Variants in TGFB1 observed in about 807,000 individuals in gnomAD.
TGFB1 encodes the protein transforming growth factor beta-1 proprotein.
A neutral mutation model predicts 43.8 loss-of-function variants in TGFB1; 19 were observed. The ratio of observed to expected loss-of-function variants is 0.43; its 90% CI spans 0.30 to 0.64. TGFB1 has a LOEUF of 0.64. Among genes scored for constraint, TGFB1 ranks in the 30% least tolerant of loss-of-function variants. The pLI is 0.11. For missense variants in TGFB1, 445 were observed against 529.8 expected (o/e 0.84, Z 1.57); for synonymous variants, 221 against 236.3 (o/e 0.94, Z 0.60).
chr19:41,335,571 G>A (rs890066106), intron 5 of TGFB1, among the ~76,000 whole-genome samples: 1 of 152,216 alleles, frequency 6.6e-6, no homozygotes, highest in African/African-American at 2.4e-5. Flanking sequence ...ACAACAGTCC[G>A]TGTTGAACAA....
intron 5 of TGFB1, among the ~76,000 whole-genome samples, chr19:41,341,365 G>T (rs1201807881): frequency 6.8e-6 from 1 of 147,962 alleles, no homozygotes; most frequent in East Asian, 2.0e-4. Context: ...TACTCGGGAG[G>T]CTGAGACAGG....
In TGFB1 at chr19:41,341,952, G is replaced by A. The variant is rs146182311; in HGVS notation, c.791C>T (p.Pro264Leu). The A allele has an allele frequency of 9.1e-5, 147 of 1,614,084 alleles. No individual in the cohort carries two copies. Among genetic ancestry groups the A allele is most frequent in the Non-Finnish European group, 1.2e-4 (140 of 1,180,036 alleles). ...NRPFLLLMAT[P>L]LERAQHLQSS... Reference sequence around the variant, plus strand: ...TTGCAGATGCTGGGCCCTCTCCAGCGGGGTGGCCATGAGAAGCAGGAAAGG... The same window carrying A: ...TTGCAGATGCTGGGCCCTCTCCAGCAGGGTGGCCATGAGAAGCAGGAAAGG... The change falls in exon 5 of 7, where the codon CCG becomes CTG. Residue 264 changes from proline to leucine, a missense_variant. Pro to Leu is a moderately conservative substitution (Grantham distance 98). Transcript: ENST00000221930.
chr19:41,330,997 G>A lies in TGFB1; in HGVS notation c.*55C>T. Reference sequence around the variant, plus strand: ...ACAGCCCCCATGGGCAAGGCAGCGGGGGCGGGGCGGGGTGGGGCCGGGCCT... The same window carrying A: ...ACAGCCCCCATGGGCAAGGCAGCGGAGGCGGGGCGGGGTGGGGCCGGGCCT... On this transcript the variant is annotated 3_prime_UTR_variant, in exon 7 of 7. Coordinates refer to ENST00000221930, the MANE Select transcript of TGFB1 (RefSeq NM_000660.7). 7.0e-7 allele frequency: 1 copy of A among 1,438,466 alleles called. No individual in the cohort carries two copies. The highest frequency in any genetic ancestry group is 1.4e-5 in the South Asian group (1 of 72,702). The allele number at this position is 1,438,466 out of a possible 1,614,324, so 89.1% of individuals were successfully genotyped here. A position where few individuals can be genotyped will look rare whatever the true frequency, so the allele number is the denominator to read the frequency against.
At chr19:41,348,229 C>A (rs377405783) in intron 2 of TGFB1, 66 bp downstream of exon 2, 2 of 1,595,346 alleles carry the variant, frequency 1.3e-6, no homozygotes, top group Non-Finnish European at 1.7e-6. Context: ...CCCACAGCCA[C>A]CCCCTTGGTC....
chr19:41,348,223 C>T lies in TGFB1; in HGVS notation c.516+72G>A. 4 of 1,589,424 alleles carry T rather than the reference C, an allele frequency of 2.5e-6. No homozygotes were observed. The Admixed American group carries it at 5.0e-5, about 20-fold the overall frequency. On this transcript the variant is annotated intron_variant, in intron 2 of 6. Coordinates refer to ENST00000221930, the MANE Select transcript of TGFB1 (RefSeq NM_000660.7). ...GTGGACCTTGTAACCAGCCGACCCA[C>T]AGCCACCCCCTTGGTCACAGCTCAC...
chr19:41,332,787 G>T, intron 5 of TGFB1, among the ~76,000 whole-genome samples: 1 of 152,184 alleles, frequency 6.6e-6, no homozygotes, highest in Non-Finnish European at 1.5e-5. Context: ...GAGGATCGCT[G>T]GAGTCGAGGA....
chr19:41,343,222 C>T (rs1196870227), intron 3 of TGFB1, among the ~76,000 whole-genome samples: 1 of 151,564 alleles, frequency 6.6e-6, no homozygotes, highest in East Asian at 1.9e-4. Flanking sequence ...GAAACCTCCA[C>T]CTCCTGGGTT....
chr19:41,340,525 C>T (rs751609091), intron 5 of TGFB1, among the ~76,000 whole-genome samples: 1 of 152,090 alleles, frequency 6.6e-6, no homozygotes, highest in African/African-American at 2.4e-5. Context: ...CAGGGATCCG[C>T]CCACCTCAGC....
chr19:41,335,618 C>G (rs961415531), intron 5 of TGFB1, among the ~76,000 whole-genome samples: 3 of 152,198 alleles, frequency 2.0e-5, no homozygotes, highest in African/African-American at 7.2e-5. Flanking sequence ...TTTTTCAGCA[C>G]ACATTCGGGG....
rs181690515 is a variant in TGFB1 at position 41,338,818 on chromosome 19, G to A, written c.860+3065C>T. ...CGCACCACTGCACTCCAGCCTGAAT[G>A]ACAGAGACTCTGTCTCCAAAAAAAA... is the stretch of plus-strand genomic sequence containing the variant. On this transcript the variant is annotated intron_variant, in intron 5 of 6. Transcript: ENST00000221930. Among the ~76,000 whole-genome samples, 258 of 150,662 alleles carry A rather than the reference G, an allele frequency of 1.7e-3. 1 individual carries two copies. The highest frequency in any genetic ancestry group is 6.1e-3 in the African/African-American group (249 of 40,898).
In TGFB1 at chr19:41,333,209, A is replaced by ATT. The variant is rs1161079448; in HGVS notation, c.861-930_861-929dup. Among the ~76,000 whole-genome samples the ATT allele has an allele frequency of 7.7e-3, 663 of 86,382 alleles. 12 individuals carry two copies. The highest frequency in any genetic ancestry group is 0.014 in the African/African-American group (268 of 19,266). The allele number at this position is 86,382 out of a possible 152,430, so 56.7% of individuals were successfully genotyped here. A position where few individuals can be genotyped will look rare whatever the true frequency, so the allele number is the denominator to read the frequency against. On this transcript the variant is annotated intron_variant, in intron 5 of 6. Coordinates refer to ENST00000221930, the MANE Select transcript of TGFB1 (RefSeq NM_000660.7). ...CACTTCATTTCTTCTTTTTTTTTCT[A>ATT]TTTTTTTTTTTTTTTTTTTTTGAGA...
At chr19:41,334,545 G>A (rs1050659334) in intron 5 of TGFB1, among the ~76,000 whole-genome samples, 4 of 145,302 alleles carry the variant, frequency 2.8e-5, no homozygotes, top group East Asian at 2.1e-4. Flanking sequence ...AGCCAGGCAC[G>A]GTGGCTCACG....
intron 2 of TGFB1, among the ~76,000 whole-genome samples, chr19:41,345,850 C>T (rs960500197): frequency 4.0e-5 from 6 of 151,422 alleles, no homozygotes; most frequent in Non-Finnish European, 5.9e-5. Context: ...TGCAGTGAGC[C>T]GAGATTGCAC....
chr19:41,331,382 TTC>T (rs943849558), intron 6 of TGFB1, among the ~76,000 whole-genome samples, 172 bp from the exon 7 acceptor site: 4 of 151,970 alleles, frequency 2.6e-5, no homozygotes, highest in African/African-American at 9.7e-5. Context: ...TCCTATCTTA[TTC>T]TGTCTCTCCC....
chr19:41,342,503 C>T (rs1213464529), intron 3 of TGFB1, among the ~76,000 whole-genome samples: 1 of 140,424 alleles, frequency 7.1e-6, no homozygotes, highest in African/African-American at 2.8e-5. Flanking sequence ...GCGCGTGCTA[C>T]CACGCATGGC....
chr19:41,352,654 G>GC, intron 1 of TGFB1, 36 bp downstream of exon 1: 2 of 1,608,146 alleles, frequency 1.2e-6, no homozygotes, highest in Non-Finnish European at 8.5e-7. Flanking sequence ...CCCCCTGGGG[G>GC]CCCCCCTCCC....
At position 41,331,166 on chromosome 19, in the gene TGFB1, C is replaced by T; in HGVS notation, c.1059G>A (p.Ala353=). The change falls in exon 7 of 7, where the codon GCG becomes GCA. Residue 353 remains alanine (A), a synonymous_variant. Coordinates refer to ENST00000221930, the MANE Select transcript of TGFB1 (RefSeq NM_000660.7). ...YNQHNPGASA[A]PCCVPQALEP... ...CCAGCGCCTGCGGCACGCAGCACGG[C>T]GCCGCCGAGGCGCCCGGGTTATGCT... 2 of 1,556,820 alleles carry T rather than the reference C, an allele frequency of 1.3e-6. No individual in the cohort carries two copies. The highest frequency in any genetic ancestry group is 1.7e-6 in the Non-Finnish European group (2 of 1,153,308).
chr19:41,342,246 C>G lies in TGFB1; in HGVS notation c.636G>C (p.Gly212=), dbSNP rs761285322. 2 of 1,594,854 alleles carry G rather than the reference C, an allele frequency of 1.3e-6. No homozygotes were observed. Among genetic ancestry groups the G allele is most frequent in the Admixed American group, 1.7e-5 (1 of 57,270 alleles). The change falls in exon 4 of 7, where the codon GGG becomes GGC. Residue 212 remains glycine (G), a splice_region_variant and synonymous_variant. Transcript: ENST00000221930. Reference sequence around the variant, plus strand: ...CGCTAAGGCGAAAGCCCTCAATTTCCCCTGTAGGAGTGGCGAGAGGGAAGC... The same window carrying G: ...CGCTAAGGCGAAAGCCCTCAATTTCGCCTGTAGGAGTGGCGAGAGGGAAGC... ...GVVRQWLSRG[G]EIEGFRLSAH...
chr19:41,350,549 C>G (rs541615542), intron 1 of TGFB1, among the ~76,000 whole-genome samples: 2 of 152,202 alleles, frequency 1.3e-5, no homozygotes, highest in African/African-American at 4.8e-5. Context: ...CTCAGGTGGT[C>G]CACCCACCTT....
Sources: allele counts gnomAD v4.1 joint callset (sites outside exome capture counted in the v4.1 genomes callset), GRCh38; gene constraint gnomAD v4.1.1; transcripts MANE v1.5; gene names NCBI Gene and HGNC (gene_info 2026-07-23, HGNC 2026-07-21).